Variants in RGS7BP observed in about 807,000 individuals in gnomAD.
RGS7BP encodes the protein regulator of G protein signaling 7 binding protein.
In RGS7BP, 9 loss-of-function variants were observed where a neutral mutation model predicts 31.3. That is an observed-to-expected ratio of 0.29 (90% CI 0.17 to 0.50). The LOEUF is 0.50. Ranked by LOEUF, RGS7BP falls within the 20% of genes least tolerant of loss-of-function variation. RGS7BP has a pLI of 0.98. For synonymous variants in RGS7BP, 115 were observed against 120.1 expected, an observed-to-expected ratio of 0.96 and a Z score of 0.28; for missense variants, 274 against 322.0, an observed-to-expected ratio of 0.85 and a Z score of 1.14.
At chr5:64,534,146 G>A (rs565339821) in intron 2 of RGS7BP, among the ~76,000 whole-genome samples, 1 of 152,192 alleles carries the variant, frequency 6.6e-6, no homozygotes, top group South Asian at 2.1e-4. Context: ...TGGTAAAGGA[G>A]CCAGCCATGC....
rs77340073 is a variant in RGS7BP at position 64,532,922 on chromosome 5, C to A, written c.332+25045C>A. ...CTTCAGTATTGTTTGCAGCTCTGTG[C>A]CTCTGGCCCACTTACCTCACAGCCT... is the stretch of plus-strand genomic sequence containing the variant. On this transcript the variant is annotated intron_variant, in intron 2 of 5. Coordinates refer to ENST00000334025, the MANE Select transcript of RGS7BP (RefSeq NM_001029875.3). 1.8e-3 allele frequency among the ~76,000 whole-genome samples: 277 copies of A among 152,272 alleles called. 8 individuals carry two copies. The East Asian group carries it at 0.048, about 26-fold the overall frequency.
At chr5:64,600,728 T>G (rs1490531655) in intron 5 of RGS7BP, among the ~76,000 whole-genome samples, 1 of 152,194 alleles carries the variant, frequency 6.6e-6, no homozygotes, top group Non-Finnish European at 1.5e-5. Flanking sequence ...TGTGAGGAAT[T>G]TGAGTTTCTT....
Position 64,506,823 on chromosome 5 carries a change from TTAA to T in RGS7BP, c.165+36_165+38del, listed in dbSNP as rs773767441. The stretch of plus-strand genomic sequence containing the variant: ...AAACTGCGCCTCTTTTTTTTTTTTT[TTAA>T]TTGAGAGGGGGTGGGGGGAGTCATG... On this transcript the variant is annotated intron_variant, in intron 1 of 5. Coordinates refer to ENST00000334025, the MANE Select transcript of RGS7BP (RefSeq NM_001029875.3). This position sits in a 1 kb window ranked among gnomAD's most constrained non-coding sequence, Gnocchi z 4.6. The T allele has an allele frequency of 1.3e-6, 2 of 1,528,926 alleles. No individual in the cohort carries two copies. The highest frequency in any genetic ancestry group is 1.2e-5 in the South Asian group (1 of 81,140). The allele number at this position is 1,528,926 out of a possible 1,614,324, so 94.7% of individuals were successfully genotyped here. A position where few individuals can be genotyped will look rare whatever the true frequency, so the allele number is the denominator to read the frequency against.
chr5:64,509,810 C>G (rs1024089330), intron 2 of RGS7BP, among the ~76,000 whole-genome samples: 4 of 152,126 alleles, frequency 2.6e-5, no homozygotes, highest in African/African-American at 4.8e-5. Flanking sequence ...GTTCTTAGAG[C>G]CTTGCCAAAG....
Position 64,566,597 on chromosome 5 carries a change from A to G in RGS7BP, c.333-9177A>G, listed in dbSNP as rs544430111. 3.3e-5 allele frequency among the ~76,000 whole-genome samples: 5 copies of G among 152,150 alleles called. No individual in the cohort carries two copies. In the East Asian group the frequency reaches 9.7e-4, roughly 30 times the overall value. On this transcript the variant is annotated intron_variant, in intron 2 of 5. Transcript: ENST00000334025. ...CGTTGCATGTCTCATTAGCATCTTAAATCTCCACCCAGGGGAGGTTTTCTT... is the reference window on the plus strand; with the variant it reads ...CGTTGCATGTCTCATTAGCATCTTAGATCTCCACCCAGGGGAGGTTTTCTT...
At chr5:64,510,195 C>G (rs528005140) in intron 2 of RGS7BP, among the ~76,000 whole-genome samples, 24 of 152,276 alleles carry the variant, frequency 1.6e-4, no homozygotes, top group Admixed American at 9.2e-4. Flanking sequence ...TATTTCCTTT[C>G]AGCTGAGGGA....
intron 3 of RGS7BP, among the ~76,000 whole-genome samples, chr5:64,593,524 T>C (rs1742976499): frequency 6.6e-6 from 1 of 152,214 alleles, no homozygotes; most frequent in African/African-American, 2.4e-5. Context: ...ACTTAACAAC[T>C]AGTCTGGAGT....
chr5:64,557,465 T>C (rs1043896554), intron 2 of RGS7BP, among the ~76,000 whole-genome samples: 4 of 152,182 alleles, frequency 2.6e-5, no homozygotes, highest in African/African-American at 4.8e-5. Flanking sequence ...CCAGCCAGGA[T>C]ACCCAAGACA....
chr5:64,565,442 C>A lies in RGS7BP; in HGVS notation c.333-10332C>A, dbSNP rs1450543588. ...TAGGATGTTTACTTCTGGCATAAAT[C>A]ATCTTTTCCCCTTTCTACGTATCTG... is the stretch of plus-strand genomic sequence containing the variant. On this transcript the variant is annotated intron_variant, in intron 2 of 5. Coordinates refer to ENST00000334025, the MANE Select transcript of RGS7BP (RefSeq NM_001029875.3). 2.0e-5 allele frequency among the ~76,000 whole-genome samples: 3 copies of A among 152,070 alleles called. No individual in the cohort carries two copies. The East Asian group carries it at 5.8e-4, about 29-fold the overall frequency.
At chr5:64,508,115 C>T in intron 2 of RGS7BP, among the ~76,000 whole-genome samples, 1 of 152,134 alleles carries the variant, frequency 6.6e-6, no homozygotes, top group Admixed American at 6.5e-5. Flanking sequence ...TTTTTAAAAA[C>T]TTAATTTTCA....
chr5:64,573,455 T>A (rs1221653958), intron 2 of RGS7BP: 1 of 152,180 alleles, frequency 6.6e-6, no homozygotes, highest in African/African-American at 2.4e-5. Flanking sequence ...AATAAGAATG[T>A]TCCATGGCTT....
chr5:64,590,805 G>A (rs1397311555), intron 3 of RGS7BP, among the ~76,000 whole-genome samples: 1 of 152,014 alleles, frequency 6.6e-6, no homozygotes, highest in East Asian at 1.9e-4. Flanking sequence ...AAATAAAACA[G>A]TATATCCAGA....
chr5:64,519,772 T>C (rs1749063558), intron 2 of RGS7BP, among the ~76,000 whole-genome samples: 1 of 152,168 alleles, frequency 6.6e-6, no homozygotes, highest in African/African-American at 2.4e-5. Context: ...GAAATAACGT[T>C]TACCTACAAC....
At chr5:64,595,607 G>T (rs2111960818) in intron 4 of RGS7BP, among the ~76,000 whole-genome samples, 1 of 152,244 alleles carries the variant, frequency 6.6e-6, no homozygotes, top group South Asian at 2.1e-4. Context: ...GAGGCAGAAA[G>T]ATAAGCCTCT....
At chr5:64,544,528 G>T (rs1741603055) in intron 2 of RGS7BP, among the ~76,000 whole-genome samples, 1 of 149,536 alleles carries the variant, frequency 6.7e-6, no homozygotes, top group Admixed American at 6.7e-5. Flanking sequence ...AAAAAAAATA[G>T]CCAAGGGTAG....
At chr5:64,508,019 C>G (rs1449598235) in intron 2 of RGS7BP, 142 bp downstream of exon 2, 12 of 673,424 alleles carry the variant, frequency 1.8e-5, no homozygotes, top group Non-Finnish European at 2.2e-5. Flanking sequence ...GAGAGCTATA[C>G]ACAAACTATA....
chr5:64,527,606 T>TAAAAAAAAAAAAAAAAAAAAAAAA (rs59081277), intron 2 of RGS7BP, among the ~76,000 whole-genome samples: 2 of 86,464 alleles, frequency 2.3e-5, no homozygotes, highest in African/African-American at 4.3e-5. Context: ...CTTATAACAG[T>TAAAAAAAAAAAAAAAAAAAAAAAA]AAAAAAAAAA....
At chr5:64,546,385 G>A (rs144465070) in intron 2 of RGS7BP, among the ~76,000 whole-genome samples, 52 of 152,136 alleles carry the variant, frequency 3.4e-4, no homozygotes, top group Non-Finnish European at 5.3e-4. Context: ...GTAAAACAAC[G>A]AAAGACAGCG....
chr5:64,577,220 C>T (rs887305591), intron 3 of RGS7BP, among the ~76,000 whole-genome samples: 7 of 152,016 alleles, frequency 4.6e-5, no homozygotes, highest in Admixed American at 6.6e-5. Context: ...GGGCAGATCA[C>T]GAGGTCAGGA....
Sources: allele counts gnomAD v4.1 joint callset (sites outside exome capture counted in the v4.1 genomes callset), GRCh38; gene constraint gnomAD v4.1.1; non-coding constraint Gnocchi (gnomAD v3.1); transcripts MANE v1.5; gene names NCBI Gene and HGNC (gene_info 2026-07-23, HGNC 2026-07-21).